Variants in DLG2 observed in about 807,000 individuals in gnomAD.
The protein encoded by DLG2 is discs large MAGUK scaffold protein 2, also known as disks large homolog 2.
Under a neutral mutation model 132.5 loss-of-function variants are expected in DLG2, and 45 were observed. The observed-to-expected ratio is 0.34, with a 90% CI of 0.27 to 0.44. The LOEUF (loss-of-function observed/expected upper bound fraction) is 0.44, where lower values mean the gene tolerates loss of function less well. DLG2 is among the 20% of genes least tolerant of loss of function. DLG2 has a pLI of 1.00. For synonymous variants in DLG2, 424 were observed against 419.6 expected, an observed-to-expected ratio of 1.01 and a Z score of -0.13; for missense variants, 1,045 against 1,196.9, an observed-to-expected ratio of 0.87 and a Z score of 1.87.
intron 18 of DLG2, among the ~76,000 whole-genome samples, chr11:83,741,197 A>G (rs2092478976): frequency 6.6e-6 from 1 of 152,312 alleles, no homozygotes; most frequent in African/African-American, 2.4e-5. Flanking sequence ...AGCCATTATC[A>G]TATTGAATGA....
intron 3 of DLG2, chr11:85,286,220 A>G (rs2078550052): frequency 1.8e-5 from 6 of 337,844 alleles, no homozygotes; most frequent in South Asian, 1.1e-4. Context: ...TGAAAACACA[A>G]TACATGTATA....
In DLG2 at chr11:84,766,416, C is replaced by G. The variant is rs186033665; in HGVS notation, c.358-231685G>C. ...TGTCTTCTTTTTTCTTATCATCGCTCAGGGATAATATTCAAAATTGTTAGC... is the reference window on the plus strand; with the variant it reads ...TGTCTTCTTTTTTCTTATCATCGCTGAGGGATAATATTCAAAATTGTTAGC... On this transcript the variant is annotated intron_variant, in intron 6 of 27. Transcript: ENST00000376104. Among the ~76,000 whole-genome samples, 19 of 152,020 alleles carry G rather than the reference C, an allele frequency of 1.2e-4. No individual in the cohort carries two copies. The East Asian group carries it at 3.5e-3, about 28-fold the overall frequency.
chr11:85,419,310 T>A (rs528919533), intron 3 of DLG2, among the ~76,000 whole-genome samples: 2 of 152,210 alleles, frequency 1.3e-5, no homozygotes, highest in Non-Finnish European at 2.9e-5. Context: ...TCTGATGAGA[T>A]TCCCTTTGTG....
At chr11:84,051,408 A>G (rs1266664677) in intron 11 of DLG2, among the ~76,000 whole-genome samples, 1 of 151,970 alleles carries the variant, frequency 6.6e-6, no homozygotes, top group Non-Finnish European at 1.5e-5. Context: ...GATTAAGAAA[A>G]TATGGCACAC....
chr11:83,616,826 G>C (rs2060890027), intron 19 of DLG2, among the ~76,000 whole-genome samples: 1 of 152,094 alleles, frequency 6.6e-6, no homozygotes, highest in Non-Finnish European at 1.5e-5. Flanking sequence ...TTTGTGTATA[G>C]TGTGAGGTTG....
At chr11:85,400,986 G>T (rs2088028217) in intron 3 of DLG2, among the ~76,000 whole-genome samples, 1 of 149,610 alleles carries the variant, frequency 6.7e-6, no homozygotes, top group Admixed American at 6.6e-5. Flanking sequence ...CTCATTTTAT[G>T]AGGCTAGCAT....
At chr11:83,910,094 A>C (rs547625755) in intron 15 of DLG2, among the ~76,000 whole-genome samples, 2 of 152,302 alleles carry the variant, frequency 1.3e-5, no homozygotes, top group South Asian at 2.1e-4. Context: ...TAATAAACCC[A>C]GCAGAGTAAA....
At chr11:83,626,312 A>G (rs2062519896) in intron 19 of DLG2, among the ~76,000 whole-genome samples, 1 of 152,182 alleles carries the variant, frequency 6.6e-6, no homozygotes, top group South Asian at 2.1e-4. Context: ...TACCATTTCT[A>G]TGGTCTGCAT....
At chr11:83,596,521 C>A (rs1314417960) in intron 19 of DLG2, among the ~76,000 whole-genome samples, 2 of 152,098 alleles carry the variant, frequency 1.3e-5, no homozygotes, top group Non-Finnish European at 2.9e-5. Flanking sequence ...ACTGGTTTAC[C>A]AACCTCTGGT....
intron 11 of DLG2, among the ~76,000 whole-genome samples, chr11:83,987,387 A>C (rs2154179790): frequency 6.6e-6 from 1 of 152,320 alleles, no homozygotes; most frequent in Middle Eastern, 3.4e-3. Flanking sequence ...CCGCATCGCC[A>C]AGGCAATCCT....
chr11:83,512,775 G>A (rs2095102506), intron 21 of DLG2, among the ~76,000 whole-genome samples: 1 of 151,642 alleles, frequency 6.6e-6, no homozygotes, highest in Non-Finnish European at 1.5e-5. Flanking sequence ...GAGTGAGAAC[G>A]TGAGCTGTTT....
At chr11:83,568,969 A>G (rs541515682) in intron 19 of DLG2, among the ~76,000 whole-genome samples, 1 of 152,312 alleles carries the variant, frequency 6.6e-6, no homozygotes, top group East Asian at 1.9e-4. Flanking sequence ...TCTTCGATTT[A>G]TTAATGAGAA....
chr11:84,248,160 T>G (rs558453728), intron 8 of DLG2, among the ~76,000 whole-genome samples: 7 of 151,912 alleles, frequency 4.6e-5, no homozygotes, highest in African/African-American at 1.4e-4. Flanking sequence ...AAGGGGAGAG[T>G]TGGGACTCTG....
chr11:85,183,557 A>G (rs1321918789), intron 4 of DLG2, among the ~76,000 whole-genome samples: 1 of 151,930 alleles, frequency 6.6e-6, no homozygotes, highest in Admixed American at 6.6e-5. Flanking sequence ...TTATCTTACT[A>G]CATCAAATCT....
intron 6 of DLG2, among the ~76,000 whole-genome samples, chr11:85,042,993 C>G (rs534731572): frequency 6.6e-6 from 1 of 151,862 alleles, no homozygotes. Context: ...TAATTTGAAC[C>G]ATTTCAGGCA....
At chr11:84,678,620 A>C (rs552609362) in intron 6 of DLG2, among the ~76,000 whole-genome samples, 2 of 152,228 alleles carry the variant, frequency 1.3e-5, no homozygotes, top group African/African-American at 2.4e-5. Context: ...CTCACTTGAA[A>C]AGATGCCTGG....
At chr11:84,548,924 T>A (rs1307828522) in intron 6 of DLG2, among the ~76,000 whole-genome samples, 1 of 152,240 alleles carries the variant, frequency 6.6e-6, no homozygotes, top group Non-Finnish European at 1.5e-5. Context: ...GGATGACTAT[T>A]ACTTTCATTT....
intron 6 of DLG2, among the ~76,000 whole-genome samples, chr11:85,080,906 T>C (rs2067149810): frequency 6.6e-6 from 1 of 152,128 alleles, no homozygotes; most frequent in South Asian, 2.1e-4. Context: ...GAGAGTTAAT[T>C]TAGGATTTGA....
intron 7 of DLG2, among the ~76,000 whole-genome samples, chr11:84,480,253 T>C (rs996478054): frequency 6.6e-6 from 1 of 152,180 alleles, no homozygotes; most frequent in African/African-American, 2.4e-5. Flanking sequence ...GCCATCATTA[T>C]ACTGTTTTGC....
Sources: gnomAD v4.1 joint callset for allele counts (sites outside exome capture counted in the v4.1 genomes callset) on GRCh38, gnomAD v4.1.1 for gene constraint, MANE v1.5 for transcripts, NCBI Gene and HGNC (gene_info 2026-07-23, HGNC 2026-07-21) for gene names.